The following KLHL1 variants were observed in gnomAD, a reference collection of about 807,000 sequenced individuals.
KLHL1 encodes the protein kelch-like protein 1.
Under a neutral mutation model 77.7 loss-of-function variants are expected in KLHL1, and 47 were observed. The ratio of observed to expected loss-of-function variants is 0.60; its 90% confidence interval spans 0.48 to 0.77. The LOEUF (loss-of-function observed/expected upper bound fraction) is 0.77, where lower values mean the gene tolerates loss of function less well. Among genes scored for constraint, KLHL1 ranks in the 30% least tolerant of loss-of-function variants. The pLI, the probability that KLHL1 is intolerant of heterozygous loss-of-function variation, is 0.00. For missense variants in KLHL1, 925 were observed against 910.8 expected, an observed-to-expected ratio of 1.02 and a Z score of -0.20; for synonymous variants, 360 against 325.2, an observed-to-expected ratio of 1.11 and a Z score of -1.15.
intron 3 of KLHL1, among the ~76,000 whole-genome samples, chr13:69,953,842 T>G (rs1225014864): frequency 1.3e-5 from 2 of 151,248 alleles, no homozygotes. Context: ...TTTATTCTTA[T>G]GAAGGATTGT....
chr13:69,917,870 G>T (rs1354017001), intron 4 of KLHL1, among the ~76,000 whole-genome samples: 2 of 151,658 alleles, frequency 1.3e-5, no homozygotes, highest in African/African-American at 2.4e-5. Flanking sequence ...TGCGAAGTTT[G>T]CTGATAGCTT....
intron 4 of KLHL1, among the ~76,000 whole-genome samples, chr13:69,932,182 C>T (rs1883023824): frequency 6.6e-6 from 1 of 151,646 alleles, no homozygotes; most frequent in Non-Finnish European, 1.5e-5. Flanking sequence ...TGTGTGTTGC[C>T]TTATACAGTC....
At chr13:69,702,353 A>G (rs985829323) in intron 10 of KLHL1, among the ~76,000 whole-genome samples, 5 of 151,750 alleles carry the variant, frequency 3.3e-5, no homozygotes, top group Admixed American at 6.6e-5. Context: ...GCTGAATATG[A>G]AAATAGTTAG....
At chr13:69,987,075 T>G (rs1593652752) in intron 1 of KLHL1, among the ~76,000 whole-genome samples, 1 of 151,908 alleles carries the variant, frequency 6.6e-6, no homozygotes, top group Admixed American at 6.6e-5. Flanking sequence ...CATAAAAAAT[T>G]TATTATATAT....
intron 5 of KLHL1, among the ~76,000 whole-genome samples, chr13:69,881,795 C>T (rs1460764173): frequency 3.9e-5 from 6 of 152,108 alleles, no homozygotes. Context: ...AATCATAACT[C>T]TCTACTATTC....
intron 3 of KLHL1, among the ~76,000 whole-genome samples, chr13:69,944,660 T>C (rs1397087012): frequency 6.6e-6 from 1 of 152,182 alleles, no homozygotes; most frequent in Admixed American, 6.5e-5. Flanking sequence ...TCTATAGATG[T>C]ACTACAATAA....
chr13:69,956,016 TG>T (rs1221410031), intron 3 of KLHL1, among the ~76,000 whole-genome samples: 8 of 116,054 alleles, frequency 6.9e-5, no homozygotes, highest in African/African-American at 1.9e-4. Flanking sequence ...TATATATATT[TG>T]ATATATATTT....
At chr13:69,832,843 A>G (rs1046975483) in intron 6 of KLHL1, among the ~76,000 whole-genome samples, 1 of 150,398 alleles carries the variant, frequency 6.6e-6, no homozygotes, top group African/African-American at 2.5e-5. Context: ...GGAAACAAAA[A>G]CATAGAGTGG....
intron 7 of KLHL1, among the ~76,000 whole-genome samples, chr13:69,780,721 TATATATATATACATATATATATAC>T (rs1566243882): frequency 0.011 from 712 of 62,810 alleles, 20 homozygotes; most frequent in Non-Finnish European, 0.017. Flanking sequence ...TATATGTATA[TATATATATATACATATATATATAC>T]ATATATATAT....
At chr13:69,961,607 C>T (rs374926138) in intron 2 of KLHL1, among the ~76,000 whole-genome samples, 163 bp from the exon 3 acceptor site, 11 of 152,184 alleles carry the variant, frequency 7.2e-5, no homozygotes, top group African/African-American at 2.6e-4. Context: ...GATTCAAAAA[C>T]TCTTCCCCTA....
intron 1 of KLHL1, among the ~76,000 whole-genome samples, chr13:69,993,743 T>TA (rs1248840587): frequency 6.6e-6 from 1 of 152,058 alleles, no homozygotes; most frequent in Admixed American, 6.6e-5. Context: ...AATATCTAGG[T>TA]AAAAAATTTC....
intron 1 of KLHL1, among the ~76,000 whole-genome samples, chr13:70,081,370 T>C (rs1887386581): frequency 6.6e-6 from 1 of 152,218 alleles, no homozygotes; most frequent in African/African-American, 2.4e-5. Flanking sequence ...GGAATTACAC[T>C]GCTGCAATCA....
At chr13:69,707,886 A>AAAAG in intron 9 of KLHL1, 90 bp from the exon 10 acceptor site, 4 of 1,059,742 alleles carry the variant, frequency 3.8e-6, no homozygotes, top group Non-Finnish European at 5.3e-6. Flanking sequence ...CCTGTCATGA[A>AAAAG]AAAGGAAACT....
At chr13:70,059,032 C>T (rs1265673756) in intron 1 of KLHL1, among the ~76,000 whole-genome samples, 1 of 152,110 alleles carries the variant, frequency 6.6e-6, no homozygotes, top group Non-Finnish European at 1.5e-5. Context: ...AGCTAGACTC[C>T]TATCTCTCAC....
intron 6 of KLHL1, among the ~76,000 whole-genome samples, chr13:69,797,996 T>G (rs1270221165): frequency 6.6e-6 from 1 of 152,240 alleles, no homozygotes; most frequent in African/African-American, 2.4e-5. Context: ...AAATAGAAAT[T>G]GAAAGAAGCA....
chr13:70,061,608 T>C (rs1011674418), intron 1 of KLHL1, among the ~76,000 whole-genome samples: 2 of 152,114 alleles, frequency 1.3e-5, no homozygotes, highest in African/African-American at 4.8e-5. Flanking sequence ...CAATCCAATT[T>C]GTAGCTTTTT....
At chr13:70,083,022 G>T (rs1333981455) in intron 1 of KLHL1, among the ~76,000 whole-genome samples, 2 of 151,906 alleles carry the variant, frequency 1.3e-5, no homozygotes, top group Admixed American at 1.3e-4. Context: ...AAATATAAAA[G>T]ATATTAAACA....
chr13:70,024,064 A>ACG (rs1885871151), intron 1 of KLHL1, among the ~76,000 whole-genome samples: 1 of 151,898 alleles, frequency 6.6e-6, no homozygotes, highest in Non-Finnish European at 1.5e-5. Context: ...AGGGTGTTTT[A>ACG]AAGATTGTTG....
intron 6 of KLHL1, among the ~76,000 whole-genome samples, chr13:69,835,089 C>T (rs1878933824): frequency 1.3e-5 from 2 of 151,838 alleles, no homozygotes; most frequent in African/African-American, 2.4e-5. Flanking sequence ...TACAAATATC[C>T]AAAATGTTTG....
Sources: gnomAD v4.1 joint callset for allele counts (sites outside exome capture counted in the v4.1 genomes callset) on GRCh38, gnomAD v4.1.1 for gene constraint, MANE v1.5 for transcripts, NCBI Gene and HGNC (gene_info 2026-07-23, HGNC 2026-07-21) for gene names.